The following PGF variants were observed in gnomAD, a reference collection of about 807,000 sequenced individuals.
The protein encoded by PGF is placental growth factor, also known as placenta growth factor.
In PGF, 11 loss-of-function variants were observed where a neutral mutation model predicts 25.3. The observed-to-expected ratio is 0.43, with a 90% CI of 0.27 to 0.72. The LOEUF is 0.72. Ranked by LOEUF, PGF falls within the 30% of genes least tolerant of loss-of-function variation. The pLI is 0.18. For missense variants in PGF, 230 were observed against 234.9 expected (o/e 0.98, Z 0.14); for synonymous variants, 105 against 97.9 (o/e 1.07, Z -0.43).
chr14:74,946,329 A>G (rs371838793), intron 5 of PGF, 50 bp downstream of exon 5: 36 of 1,613,912 alleles, frequency 2.2e-5, no homozygotes, highest in Middle Eastern at 1.6e-4. Context: ...ATGCTAGGAC[A>G]GAGGCTGGCA....
At position 74,947,198 on chromosome 14, in the gene PGF, A is replaced by G. The variant is rs1194958705; in HGVS notation, c.393-790T>C. 8 of 364,042 alleles carry G rather than the reference A, an allele frequency of 2.2e-5. No individual in the cohort carries two copies. In the East Asian group the frequency reaches 2.5e-4, roughly 11 times the overall value. The allele number at this position is 364,042 out of a possible 1,614,324, so 22.6% of individuals were successfully genotyped here. A position where few individuals can be genotyped will look rare whatever the true frequency, so the allele number is the denominator to read the frequency against. On this transcript the variant is annotated intron_variant, in intron 4 of 6. Coordinates refer to ENST00000555567, the MANE Select transcript of PGF (RefSeq NM_002632.6). ...AAGTGACAGACACTCTTGGAACCTC[A>G]GTCTCTTCATCTGCCTGCCCCAAAA...
intron 1 of PGF, chr14:74,954,174 G>A (rs1566860090): frequency 1.7e-6 from 1 of 573,442 alleles, no homozygotes; most frequent in Non-Finnish European, 3.1e-6. Context: ...GGAAAAGGAT[G>A]GGAGGCTAGA....
chr14:74,950,413 C>T lies in PGF; in HGVS notation c.119-860G>A, dbSNP rs188278348. On this transcript the variant is annotated intron_variant, in intron 2 of 6. Coordinates refer to ENST00000555567, the MANE Select transcript of PGF (RefSeq NM_002632.6). The surrounding 1 kb of genome is among the most constrained non-coding windows in gnomAD (Gnocchi z 4.1). ...GCAGAGATGGACGTACCCGTAAACA[C>T]AGGCTAAGTCACTCCTGGTTGATTA... Among the ~76,000 whole-genome samples, 1 of 152,342 alleles carries T rather than the reference C, an allele frequency of 6.6e-6. No individual in the cohort carries two copies. Among genetic ancestry groups the T allele is most frequent in the Non-Finnish European group, 1.5e-5 (1 of 68,030 alleles).
chr14:74,952,416 G>C (rs181998925), intron 2 of PGF, among the ~76,000 whole-genome samples: 174 of 152,330 alleles, frequency 1.1e-3, no homozygotes, highest in Middle Eastern at 3.4e-3. Flanking sequence ...GAGTGTCTGA[G>C]GCTTGGGGCG....
chr14:74,949,479 A>C lies in PGF; in HGVS notation c.193T>G (p.Tyr65Asp). ...LERLVDVVSEYPSEVEHMFSP... is the reference protein window; with the variant it reads ...LERLVDVVSEDPSEVEHMFSP... Reference sequence around the variant, plus strand: ...AACATGTGCTCCACCTCGCTGGGGTACTCGGACACGACGTCCACCAGCCTC... The same window carrying C: ...AACATGTGCTCCACCTCGCTGGGGTCCTCGGACACGACGTCCACCAGCCTC... The change falls in exon 3 of 7, where the codon TAC (tyrosine) becomes GAC (aspartate). Residue 65 changes from tyrosine to aspartate, a missense_variant. Coordinates refer to ENST00000555567, the MANE Select transcript of PGF (RefSeq NM_002632.6). 6.2e-7 allele frequency: 1 copy of C among 1,611,590 alleles called. No homozygotes were observed. Among genetic ancestry groups the C allele is most frequent in the African/African-American group, 1.3e-5 (1 of 74,962 alleles).
chr14:74,952,357 G>A (rs903544933), intron 2 of PGF, among the ~76,000 whole-genome samples: 29 of 152,186 alleles, frequency 1.9e-4, no homozygotes, highest in Admixed American at 3.3e-4. Flanking sequence ...GCTCATGCCC[G>A]CTCAGCCACG....
chr14:74,949,421 G>C lies in PGF; in HGVS notation c.251C>G (p.Thr84Ser), dbSNP rs781318192. Residue 84 changes from threonine to serine, a missense_variant, in exon 3 of 7, where the codon ACC becomes AGC. By Grantham distance (58) the Thr-to-Ser change is moderately conservative (BLOSUM62 1). Coordinates refer to ENST00000555567, the MANE Select transcript of PGF (RefSeq NM_002632.6). The stretch of plus-strand genomic sequence containing the variant: ...CAGATTCTCATCGCCGCAGCAGCCG[G>C]TGCAGCGCAGCAGGGAGACACAGGA... Reference protein sequence around the residue: ...SPSCVSLLRCTGCCGDENLHC... With the variant: ...SPSCVSLLRCSGCCGDENLHC... 8.1e-6 allele frequency: 13 copies of C among 1,610,438 alleles called. No homozygotes were observed. Among genetic ancestry groups the C allele is most frequent in the Admixed American group, 5.1e-5 (3 of 59,388 alleles).
intron 4 of PGF, 155 bp downstream of exon 4, chr14:74,948,352 C>G: frequency 5.8e-6 from 3 of 516,630 alleles, no homozygotes. Context: ...GTAGCCACCC[C>G]TGGTCCTGCC....
intron 1 of PGF, among the ~76,000 whole-genome samples, 182 bp downstream of exon 1, chr14:74,954,986 T>C (rs1269989520): frequency 8.7e-6 from 1 of 114,318 alleles, no homozygotes. Context: ...CCCCAGGACC[T>C]GGGGGACAGC....
chr14:74,946,344 C>G, intron 5 of PGF, 35 bp downstream of exon 5: 1 of 1,613,962 alleles, frequency 6.2e-7, no homozygotes, highest in South Asian at 1.1e-5. Context: ...CTGGCAGGCC[C>G]GAGAATAGCC....
chr14:74,948,208 G>A (rs1044214763), intron 4 of PGF: 5 of 291,792 alleles, frequency 1.7e-5, no homozygotes, highest in South Asian at 1.4e-4. Context: ...GAAGGGGAAC[G>A]ACACGCACCG....
Position 74,948,552 on chromosome 14 carries a change from G to A in PGF, c.347C>T (p.Ser116Phe), listed in dbSNP as rs1888796011. The A allele has an allele frequency of 1.9e-6, 3 of 1,605,610 alleles. No individual in the cohort carries two copies. Among genetic ancestry groups the A allele is most frequent in the Non-Finnish European group, 2.6e-6 (3 of 1,173,534 alleles). ...LLKIRSGDRP[S>F]YVELTFSQHV... ...CTGAGAGAACGTCAGCTCCACGTAG[G>A]AGGGCCGGTCCCCAGAACGGATCTT... Residue 116 changes from serine to phenylalanine, a missense_variant, in exon 4 of 7, where the codon TCC becomes TTC. Ser to Phe is a radical substitution (Grantham distance 155, BLOSUM62 -2). Transcript: ENST00000555567.
intron 3 of PGF, among the ~76,000 whole-genome samples, chr14:74,948,932 C>T (rs559803961): frequency 5.3e-5 from 8 of 152,344 alleles, no homozygotes; most frequent in Admixed American, 2.0e-4. Flanking sequence ...ATGGGAATGA[C>T]ACCAGCCTTG....
chr14:74,951,660 G>A (rs1402491203), intron 2 of PGF, among the ~76,000 whole-genome samples: 3 of 152,188 alleles, frequency 2.0e-5, no homozygotes, highest in South Asian at 2.1e-4. Context: ...GCTGGGCCTC[G>A]GCAGCAGAAG....
At chr14:74,948,320 T>C (rs1888787653) in intron 4 of PGF, 187 bp downstream of exon 4, 1 of 483,756 alleles carries the variant, frequency 2.1e-6, no homozygotes. Context: ...CAAAACTGGC[T>C]GGTGGGGGGA....
intron 1 of PGF, among the ~76,000 whole-genome samples, chr14:74,954,726 T>G (rs1888945802): frequency 6.6e-6 from 1 of 151,814 alleles, no homozygotes; most frequent in Non-Finnish European, 1.5e-5. Context: ...TGAGCCCTGG[T>G]GGGGGCAGGG....
At chr14:74,951,578 A>G (rs1888873304) in intron 2 of PGF, among the ~76,000 whole-genome samples, 2 of 152,242 alleles carry the variant, frequency 1.3e-5, no homozygotes, top group African/African-American at 4.8e-5. Context: ...GGGGCACCCC[A>G]GCCCCCTCCA....
chr14:74,944,269 AT>A (rs564934530), intron 6 of PGF, among the ~76,000 whole-genome samples: 3 of 151,206 alleles, frequency 2.0e-5, no homozygotes, highest in Admixed American at 2.0e-4. Flanking sequence ...CACCCGGCTA[AT>A]TTTTTGTATT....
rs573149568 is a variant in PGF at position 74,945,807 on chromosome 14, CTGA to C, written c.485+403_485+405del. 16 of 181,952 alleles carry C rather than the reference CTGA, an allele frequency of 8.8e-5. No homozygotes were observed. The East Asian group carries it at 2.0e-3, about 23-fold the overall frequency. The allele number at this position is 181,952 out of a possible 1,614,324, so 11.3% of individuals were successfully genotyped here. ...GAAGTGGCCCCAGATAACGTCTCAG[CTGA>C]TGACAGACTTTTAATCACTAAAAGG... is the stretch of plus-strand genomic sequence containing the variant. On this transcript the variant is annotated intron_variant, in intron 6 of 6. Coordinates refer to ENST00000555567, the MANE Select transcript of PGF (RefSeq NM_002632.6).
Sources: allele counts gnomAD v4.1 joint callset (sites outside exome capture counted in the v4.1 genomes callset), GRCh38; gene constraint gnomAD v4.1.1; non-coding constraint Gnocchi (gnomAD v3.1); transcripts MANE v1.5; gene names NCBI Gene and HGNC (gene_info 2026-07-23, HGNC 2026-07-21).